The following SIPA1L1 variants were observed in gnomAD, a reference collection of about 807,000 sequenced individuals.
SIPA1L1 encodes the protein signal induced proliferation associated 1 like 1.
Under a neutral mutation model 162.7 loss-of-function variants are expected in SIPA1L1, and 26 were observed. The ratio of observed to expected loss-of-function variants is 0.16; its 90% CI spans 0.12 to 0.22. The LOEUF (loss-of-function observed/expected upper bound fraction) is 0.22, where lower values mean the gene tolerates loss of function less well. Ranked by LOEUF, SIPA1L1 falls within the 10% of genes least tolerant of loss-of-function variation. The pLI is 1.00. For synonymous variants in SIPA1L1, 829 were observed against 837.4 expected (o/e 0.99, Z 0.17); for missense variants, 1,874 against 2,241.0 (o/e 0.84, Z 3.31).
chr14:71,405,376 T>C (rs529329634), intron 2 of SIPA1L1, among the ~76,000 whole-genome samples: 3 of 152,262 alleles, frequency 2.0e-5, no homozygotes, highest in South Asian at 4.1e-4. Context: ...CCAGATGAAA[T>C]TGAAGAGAAA....
At chr14:71,567,693 G>A (rs1050103710) in intron 4 of SIPA1L1, among the ~76,000 whole-genome samples, 2 of 149,544 alleles carry the variant, frequency 1.3e-5, no homozygotes, top group Non-Finnish European at 2.9e-5. Context: ...TCCAGATGTT[G>A]CCATGGCATT....
chr14:71,611,763 A>G (rs933213933), intron 5 of SIPA1L1, among the ~76,000 whole-genome samples: 3 of 152,178 alleles, frequency 2.0e-5, no homozygotes, highest in African/African-American at 4.8e-5. Flanking sequence ...ATAGTATTCC[A>G]TGGTTTATAT....
At chr14:71,397,073 T>C (rs770971027) in intron 2 of SIPA1L1, among the ~76,000 whole-genome samples, 11 of 152,226 alleles carry the variant, frequency 7.2e-5, no homozygotes, top group Admixed American at 2.6e-4. Flanking sequence ...ATTCTGACTG[T>C]TGAAGATAAC....
chr14:71,531,865 G>C (rs1033442969), intron 4 of SIPA1L1, among the ~76,000 whole-genome samples: 8 of 152,050 alleles, frequency 5.3e-5, no homozygotes, highest in Non-Finnish European at 8.8e-5. Flanking sequence ...CCTTACTATT[G>C]GGGGAGTCCT....
chr14:71,560,751 G>T (rs2056722809), intron 4 of SIPA1L1, among the ~76,000 whole-genome samples: 1 of 152,188 alleles, frequency 6.6e-6, no homozygotes, highest in South Asian at 2.1e-4. Flanking sequence ...TTAGTTAATG[G>T]ACTGTGTCTT....
Position 71,588,390 on chromosome 14 carries a change from G to A in SIPA1L1, c.518G>A (p.Arg173Gln), listed in dbSNP as rs1596295301. 7 of 1,614,042 alleles carry A rather than the reference G, an allele frequency of 4.3e-6. No individual in the cohort carries two copies. Among genetic ancestry groups the A allele is most frequent in the Non-Finnish European group, 5.9e-6 (7 of 1,179,990 alleles). The change falls in exon 5 of 24, where the codon CGA becomes CAA. Residue 173 changes from arginine (R) to glutamine (Q), a missense_variant. Physicochemically the swap from Arg to Gln is conservative, Grantham distance 43. This residue lies in a region of SIPA1L1 where 685 missense variants were observed against 828.0 expected (regional missense o/e 0.83). Transcript: ENST00000381232. This position sits in a 1 kb window ranked among gnomAD's most constrained non-coding sequence, Gnocchi z 4.3. ...AAAGCTCTTCGCAGAATACGCCAGCGAAGCAACAGTGATATCACCATAAGT... is the reference window on the plus strand; with the variant it reads ...AAAGCTCTTCGCAGAATACGCCAGCAAAGCAACAGTGATATCACCATAAGT... ...PRKALRRIRQ[R>Q]SNSDITISEL...
At chr14:71,680,100 C>T (rs2045647415) in intron 12 of SIPA1L1, among the ~76,000 whole-genome samples, 2 of 152,222 alleles carry the variant, frequency 1.3e-5, no homozygotes, top group African/African-American at 2.4e-5. Flanking sequence ...CAGAACTCTT[C>T]ACCCAAAATC....
intron 15 of SIPA1L1, among the ~76,000 whole-genome samples, chr14:71,702,785 C>G (rs1157519013): frequency 6.6e-6 from 1 of 152,166 alleles, no homozygotes; most frequent in South Asian, 2.1e-4. Context: ...ACCTTCCTCC[C>G]CCTTGTTTAT....
At chr14:71,512,874 A>T (rs1029123960) in intron 3 of SIPA1L1, 29 bp downstream of exon 3, 13 of 152,240 alleles carry the variant, frequency 8.5e-5, no homozygotes, top group African/African-American at 3.1e-4. Context: ...ATAGCTCCTT[A>T]TCTTAACTCA....
chr14:71,619,827 C>T (rs546418732), intron 6 of SIPA1L1, among the ~76,000 whole-genome samples: 6 of 152,150 alleles, frequency 3.9e-5, no homozygotes, highest in South Asian at 2.1e-4. Context: ...GCCTGAACTC[C>T]GGGGAAATTA....
intron 2 of SIPA1L1, among the ~76,000 whole-genome samples, chr14:71,442,115 G>T (rs1474680836): frequency 7.0e-6 from 1 of 143,012 alleles, no homozygotes; most frequent in Non-Finnish European, 1.5e-5. Flanking sequence ...TGGGGTTGCA[G>T]TGAGCTGAGA....
intron 12 of SIPA1L1, among the ~76,000 whole-genome samples, chr14:71,676,857 T>C (rs1405255235): frequency 6.6e-6 from 1 of 152,192 alleles, no homozygotes; most frequent in Non-Finnish European, 1.5e-5. Flanking sequence ...GTGCCACATT[T>C]TCTTAATCCA....
At chr14:71,441,690 C>G (rs1008909169) in intron 2 of SIPA1L1, among the ~76,000 whole-genome samples, 1 of 151,960 alleles carries the variant, frequency 6.6e-6, no homozygotes, top group Non-Finnish European at 1.5e-5. Flanking sequence ...GGTAATTGTT[C>G]GTATACAGTA....
chr14:71,538,285 T>TA, intron 4 of SIPA1L1, among the ~76,000 whole-genome samples: 1 of 152,308 alleles, frequency 6.6e-6, no homozygotes, highest in South Asian at 2.1e-4. Flanking sequence ...CTTTTTTTTT[T>TA]CTTCAGTCTT....
At chr14:71,494,443 T>G (rs377465602) in intron 2 of SIPA1L1, among the ~76,000 whole-genome samples, 91 of 152,116 alleles carry the variant, frequency 6.0e-4, no homozygotes, top group African/African-American at 2.1e-3. Context: ...TTATAATAAT[T>G]GATTTTTGGA....
At chr14:71,359,779 A>G (rs1286462948) in intron 2 of SIPA1L1, among the ~76,000 whole-genome samples, 1 of 152,240 alleles carries the variant, frequency 6.6e-6, no homozygotes, top group Non-Finnish European at 1.5e-5. Flanking sequence ...GGCAATAAAC[A>G]GGGAACTCAG....
chr14:71,529,184 A>G (rs2053193916), intron 3 of SIPA1L1, 128 bp from the exon 4 acceptor site: 1 of 411,882 alleles, frequency 2.4e-6, no homozygotes, highest in Non-Finnish European at 4.3e-6. Flanking sequence ...AAAAGCAACT[A>G]TTTACCTTAG....
intron 2 of SIPA1L1, among the ~76,000 whole-genome samples, chr14:71,405,653 T>C (rs1307771030): frequency 1.3e-5 from 2 of 152,186 alleles, no homozygotes; most frequent in African/African-American, 2.4e-5. Flanking sequence ...CACAACCTGC[T>C]GTTGTGCTGA....
At chr14:71,454,497 G>A (rs1438165069) in intron 2 of SIPA1L1, among the ~76,000 whole-genome samples, 1 of 152,088 alleles carries the variant, frequency 6.6e-6, no homozygotes, top group Non-Finnish European at 1.5e-5. Flanking sequence ...TTTAATTAAA[G>A]CATCTAATTA....
Sources: allele counts gnomAD v4.1 joint callset (sites outside exome capture counted in the v4.1 genomes callset), GRCh38; gene constraint gnomAD v4.1.1; regional missense constraint gnomAD v4.1.1; non-coding constraint Gnocchi (gnomAD v3.1); transcripts MANE v1.5; gene names NCBI Gene and HGNC (gene_info 2026-07-23, HGNC 2026-07-21).